The following TRDN variants were observed in gnomAD, a reference collection of about 807,000 sequenced individuals.
TRDN encodes the protein triadin in skeletal muscle.
TRDN carries 161 observed loss-of-function variants against 149.7 expected under a neutral mutation model. That is an observed-to-expected ratio of 1.08 (90% confidence interval 0.95 to 1.23). The LOEUF is 1.23. TRDN is among the 50% of genes most tolerant of loss of function. The pLI is 0.00. For missense variants in TRDN, 896 were observed against 823.5 expected (o/e 1.09, Z -1.08); for synonymous variants, 294 against 250.5 (o/e 1.17, Z -1.64).
At chr6:123,266,204 A>C in intron 32 of TRDN, among the ~76,000 whole-genome samples, 1 of 71,898 alleles carries the variant, frequency 1.4e-5, no homozygotes, top group Non-Finnish European at 2.4e-5. Flanking sequence ...TGTATTATAT[A>C]TTATATATAT....
At chr6:123,353,542 T>C (rs1239176786) in intron 20 of TRDN, among the ~76,000 whole-genome samples, 2 of 151,808 alleles carry the variant, frequency 1.3e-5, no homozygotes, top group Non-Finnish European at 2.9e-5. Flanking sequence ...ATACAGGATG[T>C]ATAGAACATT....
intron 12 of TRDN, among the ~76,000 whole-genome samples, chr6:123,402,781 G>GA (rs975861347): frequency 3.4e-4 from 52 of 151,534 alleles, no homozygotes; most frequent in Middle Eastern, 3.4e-3. Context: ...AATGGAAATG[G>GA]AAAAAAAATA....
intron 5 of TRDN, among the ~76,000 whole-genome samples, chr6:123,527,725 G>A (rs1444663859): frequency 2.6e-5 from 4 of 151,408 alleles, no homozygotes; most frequent in Non-Finnish European, 5.9e-5. Flanking sequence ...GTAATGTTCC[G>A]CTATATTACT....
intron 38 of TRDN, among the ~76,000 whole-genome samples, chr6:123,235,961 G>C (rs1035484120): frequency 6.6e-5 from 10 of 152,120 alleles, no homozygotes; most frequent in African/African-American, 2.4e-4. Context: ...GTTATTTCCA[G>C]ATTTGGCGAT....
chr6:123,437,728 T>C (rs1400300730), intron 12 of TRDN, among the ~76,000 whole-genome samples: 2 of 152,084 alleles, frequency 1.3e-5, no homozygotes, highest in African/African-American at 4.8e-5. Flanking sequence ...ACCATGCAGA[T>C]ATAAGACTGA....
chr6:123,518,083 G>A (rs1232193491), intron 5 of TRDN, among the ~76,000 whole-genome samples: 1 of 151,988 alleles, frequency 6.6e-6, no homozygotes, highest in Non-Finnish European at 1.5e-5. Flanking sequence ...ATGATGATGT[G>A]GTAGAGCTAT....
chr6:123,441,635 TA>T (rs1774895008), intron 10 of TRDN, among the ~76,000 whole-genome samples: 5 of 152,256 alleles, frequency 3.3e-5, no homozygotes, highest in Admixed American at 6.5e-5. Context: ...AAAGAAAAAT[TA>T]AACGACTTAC....
intron 24 of TRDN, among the ~76,000 whole-genome samples, chr6:123,292,280 A>G (rs1418986388): frequency 6.6e-6 from 1 of 152,036 alleles, no homozygotes; most frequent in East Asian, 1.9e-4. Context: ...GAGCCAGGGG[A>G]CTTGTAGCCA....
chr6:123,304,278 G>C (rs1778530609), intron 24 of TRDN, among the ~76,000 whole-genome samples: 1 of 143,264 alleles, frequency 7.0e-6, no homozygotes, highest in African/African-American at 2.7e-5. Flanking sequence ...TTTTGAGACG[G>C]AGTCTTGCTC....
At chr6:123,613,111 C>G (rs1784899771) in intron 1 of TRDN, among the ~76,000 whole-genome samples, 1 of 152,158 alleles carries the variant, frequency 6.6e-6, no homozygotes, top group African/African-American at 2.4e-5. Flanking sequence ...CAAAGGACGA[C>G]TGCATCATCC....
At chr6:123,615,310 C>T (rs1031704315) in intron 1 of TRDN, among the ~76,000 whole-genome samples, 3 of 152,052 alleles carry the variant, frequency 2.0e-5, no homozygotes, top group Non-Finnish European at 4.4e-5. Flanking sequence ...TATATCCAAA[C>T]GAATTGAAAT....
intron 1 of TRDN, among the ~76,000 whole-genome samples, chr6:123,617,208 C>A (rs2114698821): frequency 6.6e-6 from 1 of 152,210 alleles, no homozygotes; most frequent in Admixed American, 6.5e-5. Context: ...GAAGGATACC[C>A]ATTCCAAAGT....
chr6:123,452,592 C>T (rs762364802), intron 10 of TRDN, among the ~76,000 whole-genome samples: 9 of 151,904 alleles, frequency 5.9e-5, no homozygotes, highest in Non-Finnish European at 1.2e-4. Context: ...CTGCTGAAAG[C>T]AATTATAGAC....
intron 1 of TRDN, among the ~76,000 whole-genome samples, chr6:123,609,145 T>C (rs1583318406): frequency 5.3e-5 from 8 of 151,806 alleles, no homozygotes; most frequent in Admixed American, 5.3e-4. Context: ...TGCACTCCAG[T>C]CTGGGTGACA....
chr6:123,273,666 G>A (rs1346388515), intron 27 of TRDN, among the ~76,000 whole-genome samples: 2 of 151,894 alleles, frequency 1.3e-5, no homozygotes, highest in Non-Finnish European at 1.5e-5. Flanking sequence ...TATATCACAA[G>A]AGCAACTATA....
chr6:123,377,906 ATATTATTATTGTTAT>A lies in TRDN; in HGVS notation c.1187-23_1187-9del, dbSNP rs1225129235. 1 of 1,444,344 alleles carries A rather than the reference ATATTATTATTGTTAT, an allele frequency of 6.9e-7. No homozygotes were observed. The highest frequency in any genetic ancestry group is 9.4e-7 in the Non-Finnish European group (1 of 1,060,642). 89.5% of individuals were successfully genotyped at this position (1,444,344 alleles called of 1,614,324 possible). On this transcript the variant is annotated splice_polypyrimidine_tract_variant and intron_variant, in intron 16 of 40. Coordinates refer to ENST00000334268, the MANE Select transcript of TRDN (RefSeq NM_006073.4). ...TTTCTTTCTTTTCCTGTTCTGAAAC[ATATTATTATTGTTAT>A]TATTATTATCGTTATTATTCTAAAG...
chr6:123,307,910 G>A (rs1206290940), intron 24 of TRDN, among the ~76,000 whole-genome samples: 1 of 151,948 alleles, frequency 6.6e-6, no homozygotes, highest in Non-Finnish European at 1.5e-5. Context: ...GTTGTTACCT[G>A]GGTATATCGT....
At chr6:123,273,119 TATC>T in intron 28 of TRDN, 108 bp from the exon 29 acceptor site, 1 of 774,234 alleles carries the variant, frequency 1.3e-6, no homozygotes, top group Non-Finnish European at 2.0e-6. Context: ...GAAATCTTCA[TATC>T]ATCCTTGTTT....
rs111998284 is a variant in TRDN at position 123,579,462 on chromosome 6, G to A, written c.23-8330C>T. On this transcript the variant is annotated intron_variant, in intron 1 of 40. Transcript: ENST00000334268. ...TCAAATTTATTGATTTGCATATGTTGAACCAACCTGGCATCACAGGGATGA... is the reference window on the plus strand; with the variant it reads ...TCAAATTTATTGATTTGCATATGTTAAACCAACCTGGCATCACAGGGATGA... Among the ~76,000 whole-genome samples the A allele has an allele frequency of 5.5e-3, 837 of 152,206 alleles. 5 individuals are homozygous for A. The highest frequency in any genetic ancestry group is 0.018 in the African/African-American group (768 of 41,526).
Sources: allele counts gnomAD v4.1 joint callset (sites outside exome capture counted in the v4.1 genomes callset), GRCh38; gene constraint gnomAD v4.1.1; transcripts MANE v1.5; gene names NCBI Gene and HGNC (gene_info 2026-07-23, HGNC 2026-07-21).